Variants in BNC2 observed in about 807,000 individuals in gnomAD.
BNC2 encodes basonuclin zinc finger protein 2.
In BNC2, 20 loss-of-function variants were observed where a neutral mutation model predicts 76.3. The ratio of observed to expected loss-of-function variants is 0.26; its 90% CI spans 0.18 to 0.38. The LOEUF is 0.38. Among genes scored for constraint, BNC2 ranks in the 10% least tolerant of loss-of-function variants. The pLI, the probability that BNC2 is intolerant of heterozygous loss-of-function variation, is 1.00. For missense variants in BNC2, 1,382 were observed against 1,399.8 expected (o/e 0.99, Z 0.20); for synonymous variants, 582 against 514.8 (o/e 1.13, Z -1.77).
chr9:16,506,510 CCTCT>C (rs1563814955), intron 5 of BNC2, among the ~76,000 whole-genome samples: 2 of 88,540 alleles, frequency 2.3e-5, no homozygotes, highest in African/African-American at 9.9e-5. Flanking sequence ...CTCTCTCTCT[CCTCT>C]TTTTTTTTTT....
intron 3 of BNC2, among the ~76,000 whole-genome samples, chr9:16,709,393 A>G (rs967523387): frequency 4.6e-5 from 7 of 152,240 alleles, no homozygotes; most frequent in Admixed American, 1.3e-4. Flanking sequence ...CAGCACACCC[A>G]GTGGAAGAGA....
At chr9:16,772,536 T>C (rs4961756) in intron 1 of BNC2, among the ~76,000 whole-genome samples, 134,045 of 152,124 alleles carry the variant, frequency 0.88, 59,275 homozygotes, top group East Asian at 0.99. Context: ...TTTCCCCCTC[T>C]TTGAACTGAT....
chr9:16,479,113 G>A (rs1222920128), intron 5 of BNC2, among the ~76,000 whole-genome samples: 4 of 152,140 alleles, frequency 2.6e-5, no homozygotes, highest in East Asian at 1.9e-4. Context: ...TTAGCCAGGC[G>A]CGTTGGCGCA....
At chr9:16,802,672 T>A (rs16935079) in intron 1 of BNC2, among the ~76,000 whole-genome samples, 8 of 152,110 alleles carry the variant, frequency 5.3e-5, no homozygotes, top group South Asian at 2.1e-4. Flanking sequence ...TTCAAGCCCA[T>A]AGACAAGGAC....
intron 1 of BNC2, among the ~76,000 whole-genome samples, chr9:16,862,385 T>C (rs74456452): frequency 0.014 from 2,158 of 152,280 alleles, 54 homozygotes; most frequent in African/African-American, 0.049. Flanking sequence ...GATTATATAG[T>C]GTTATATAAA....
intron 4 of BNC2, among the ~76,000 whole-genome samples, chr9:16,564,805 TAA>T (rs143667264): frequency 0.052 from 7,907 of 152,190 alleles, 720 homozygotes; most frequent in African/African-American, 0.18. Flanking sequence ...GTCCACATGT[TAA>T]GATGTATCTA....
In BNC2 at chr9:16,805,713, G is replaced by GCACACACA. The variant is rs57325819; in HGVS notation, c.3+64925_3+64932dup. ...ACTTACATGTATAATTTGCATACATGCACACACACACACACACACACACGC... is the reference window on the plus strand; with the variant it reads ...ACTTACATGTATAATTTGCATACATGCACACACACACACACACACACACACACACACGC... On this transcript the variant is annotated intron_variant, in intron 1 of 6. Coordinates refer to ENST00000380672, the MANE Select transcript of BNC2 (RefSeq NM_017637.6). Among the ~76,000 whole-genome samples, 502 of 149,208 alleles carry GCACACACA rather than the reference G, an allele frequency of 3.4e-3. 2 individuals carry two copies. Among genetic ancestry groups the GCACACACA allele is most frequent in the East Asian group, 0.019 (94 of 5,030 alleles).
At chr9:16,608,729 A>G (rs1456191674) in intron 3 of BNC2, among the ~76,000 whole-genome samples, 1 of 152,110 alleles carries the variant, frequency 6.6e-6, no homozygotes, top group Non-Finnish European at 1.5e-5. Context: ...TACTTAATAG[A>G]TAAGTTGATG....
chr9:16,672,020 T>C (rs2134187215), intron 3 of BNC2, among the ~76,000 whole-genome samples: 1 of 152,278 alleles, frequency 6.6e-6, no homozygotes, highest in African/African-American at 2.4e-5. Flanking sequence ...TGGTCACAAA[T>C]CTTTTAGTGG....
chr9:16,582,855 A>G, intron 4 of BNC2, 128 bp downstream of exon 4: 60 of 727,888 alleles, frequency 8.2e-5, no homozygotes, highest in Non-Finnish European at 1.2e-4. Context: ...AGCACAGCTG[A>G]CCTCTCTCTT....
chr9:16,836,474 T>C (rs1174991701), intron 1 of BNC2, among the ~76,000 whole-genome samples: 1 of 151,848 alleles, frequency 6.6e-6, no homozygotes, highest in Admixed American at 6.6e-5. Flanking sequence ...ACCTCTAGTT[T>C]GTCTTGATTT....
chr9:16,610,475 T>C (rs1269189575), intron 3 of BNC2, among the ~76,000 whole-genome samples: 1 of 152,134 alleles, frequency 6.6e-6, no homozygotes, highest in Non-Finnish European at 1.5e-5. Context: ...ACTGACAAAA[T>C]ATTTAAATTA....
chr9:16,644,292 A>C (rs1821566637), intron 3 of BNC2, among the ~76,000 whole-genome samples: 1 of 152,184 alleles, frequency 6.6e-6, no homozygotes, highest in Admixed American at 6.6e-5. Context: ...TTGCAAGATG[A>C]ACAGAGAAAT....
chr9:16,797,947 C>T (rs1213152138), intron 1 of BNC2, among the ~76,000 whole-genome samples: 19 of 152,118 alleles, frequency 1.2e-4, no homozygotes, highest in Admixed American at 1.2e-3. Context: ...TCATCTGGCT[C>T]TGATCCCATG....
At chr9:16,450,070 A>G (rs1231663452) in intron 5 of BNC2, among the ~76,000 whole-genome samples, 1 of 152,216 alleles carries the variant, frequency 6.6e-6, no homozygotes, top group Non-Finnish European at 1.5e-5. Context: ...TTGAGAACAG[A>G]TAATGTAATA....
intron 1 of BNC2, among the ~76,000 whole-genome samples, chr9:16,852,042 A>G (rs1002750046): frequency 6.6e-6 from 1 of 152,218 alleles, no homozygotes; most frequent in Admixed American, 6.5e-5. Flanking sequence ...GAGTGGGAAC[A>G]GATTTTACAC....
chr9:16,770,962 G>C (rs1202275316), intron 1 of BNC2, among the ~76,000 whole-genome samples: 1 of 152,124 alleles, frequency 6.6e-6, no homozygotes, highest in Non-Finnish European at 1.5e-5. Context: ...CTTGAGGCCA[G>C]GCGTTCATGA....
chr9:16,424,360 G>C (rs1820764979), intron 6 of BNC2, among the ~76,000 whole-genome samples: 1 of 151,820 alleles, frequency 6.6e-6, no homozygotes, highest in South Asian at 2.1e-4. Flanking sequence ...GTTGCATGAA[G>C]TGTCTTAATT....
intron 3 of BNC2, among the ~76,000 whole-genome samples, chr9:16,672,542 A>G (rs1035653406): frequency 3.3e-5 from 5 of 152,166 alleles, no homozygotes; most frequent in Admixed American, 3.3e-4. Flanking sequence ...AATCCAGAGC[A>G]AAAAATCCTA....
Sources: allele counts gnomAD v4.1 joint callset (sites outside exome capture counted in the v4.1 genomes callset), GRCh38; gene constraint gnomAD v4.1.1; transcripts MANE v1.5; gene names NCBI Gene and HGNC (gene_info 2026-07-23, HGNC 2026-07-21).